Variants in SS18L1 observed in about 807,000 individuals in gnomAD.
SS18L1 encodes calcium-responsive transactivator.
A neutral mutation model predicts 70.3 loss-of-function variants in SS18L1; 32 were observed. The ratio of observed to expected loss-of-function variants is 0.46; its 90% CI spans 0.34 to 0.61. The LOEUF is 0.61. Ranked by LOEUF, SS18L1 falls within the 20% of genes least tolerant of loss-of-function variation. The probability of loss-of-function intolerance (pLI) is 0.01; values close to 1 mark genes in which losing one functional copy is unlikely to be tolerated. For synonymous variants in SS18L1, 237 were observed against 229.7 expected (o/e 1.03, Z -0.29); for missense variants, 430 against 542.1 (o/e 0.79, Z 2.05).
intron 8 of SS18L1, among the ~76,000 whole-genome samples, chr20:62,168,230 G>A (rs1221138496): frequency 2.0e-5 from 3 of 152,086 alleles, no homozygotes; most frequent in African/African-American, 7.2e-5. Flanking sequence ...TAAGACAGAT[G>A]GTGTGGTTTC....
chr20:62,148,447 C>T (rs1355131735), intron 1 of SS18L1, among the ~76,000 whole-genome samples: 2 of 145,386 alleles, frequency 1.4e-5, no homozygotes, highest in Non-Finnish European at 3.1e-5. Context: ...GGCTTGGCCT[C>T]CTTGCTGTCT....
At position 62,146,605 on chromosome 20, in the gene SS18L1, A is replaced by ATTTTTTTTTTTTTTTTTTTTTTTT. The variant is rs10673768; in HGVS notation, c.69+2737_69+2738insTTTTTTTTTTTTTTTTTTTTTTTT. 3.1e-4 allele frequency among the ~76,000 whole-genome samples: 25 copies of ATTTTTTTTTTTTTTTTTTTTTTTT among 79,722 alleles called. 3 individuals carry two copies. Among genetic ancestry groups the ATTTTTTTTTTTTTTTTTTTTTTTT allele is most frequent in the Non-Finnish European group, 3.8e-4 (17 of 45,234 alleles). The allele number at this position is 79,722 out of a possible 152,430, so 52.3% of individuals were successfully genotyped here. A position where few individuals can be genotyped will look rare whatever the true frequency, so the allele number is the denominator to read the frequency against. On this transcript the variant is annotated intron_variant, in intron 1 of 10. Transcript: ENST00000331758. Reference sequence around the variant, plus strand: ...CATCCAGCGTGTCTCTGCTTTGATCATTTTTTTTTTTTTTTTTTTTTGAGA... The same window carrying ATTTTTTTTTTTTTTTTTTTTTTTT: ...CATCCAGCGTGTCTCTGCTTTGATCATTTTTTTTTTTTTTTTTTTTTTTTTTTTTTTTTTTTTTTTTTTTTGAGA...
rs2057323258 is a variant in SS18L1, at chr20:62,161,147, C to T, written c.232-289C>T. 6.6e-6 allele frequency among the ~76,000 whole-genome samples: 1 copy of T among 151,518 alleles called. No individual in the cohort carries two copies. The highest frequency in any genetic ancestry group is 1.5e-5 in the Non-Finnish European group (1 of 67,948). On this transcript the variant is annotated intron_variant, in intron 3 of 10. Transcript: ENST00000331758. This position sits in a 1 kb window ranked among gnomAD's most constrained non-coding sequence, Gnocchi z 4.4. ...CCTGGTGGGCCGGGAAAGGGGTTCC[C>T]TGCTGTCCCAGGAGGAGGTCCAGCT...
chr20:62,158,913 G>T lies in SS18L1; in HGVS notation c.146+165G>T. 6.3e-7 allele frequency: 1 copy of T among 1,594,312 alleles called. No homozygotes were observed. Among genetic ancestry groups the T allele is most frequent in the Admixed American group, 1.7e-5 (1 of 59,406 alleles). On this transcript the variant is annotated intron_variant, in intron 2 of 10. Coordinates refer to ENST00000331758, the MANE Select transcript of SS18L1 (RefSeq NM_198935.3). This position sits in a 1 kb window ranked among gnomAD's most constrained non-coding sequence, Gnocchi z 4.5. ...CCAGGAGTCCCCTGCACAGAGGCCA[G>T]ATATGTCCCAGGAGTCCCCCAGCAC...
At chr20:62,150,025 C>T (rs1040756394) in intron 1 of SS18L1, among the ~76,000 whole-genome samples, 6 of 152,250 alleles carry the variant, frequency 3.9e-5, no homozygotes, top group Admixed American at 2.0e-4. Context: ...CATGCAGAGG[C>T]GGCTGCTCTT....
intron 1 of SS18L1, among the ~76,000 whole-genome samples, chr20:62,144,572 G>T (rs1008584584): frequency 2.6e-5 from 4 of 152,260 alleles, no homozygotes; most frequent in Admixed American, 2.6e-4. Context: ...GGGTTTCAGC[G>T]TGACACCCTC....
chr20:62,151,952 G>T (rs1236585867), intron 1 of SS18L1, among the ~76,000 whole-genome samples: 1 of 146,210 alleles, frequency 6.8e-6, no homozygotes, highest in Non-Finnish European at 1.5e-5. Context: ...CCCAGAGCTG[G>T]CCTCCCCCGT....
chr20:62,162,997 C>T (rs1292200639), intron 5 of SS18L1, 66 bp downstream of exon 5: 32 of 1,563,916 alleles, frequency 2.0e-5, no homozygotes, highest in Middle Eastern at 1.7e-4. Flanking sequence ...GACACATGCA[C>T]GTTGGACATG....
intron 10 of SS18L1, among the ~76,000 whole-genome samples, chr20:62,177,937 G>T (rs2057647929): frequency 6.6e-6 from 1 of 151,620 alleles, no homozygotes; most frequent in South Asian, 2.1e-4. Flanking sequence ...GGCCAGGGTG[G>T]TCTCGAGCTC....
rs1167513408 is a variant in SS18L1, at chr20:62,180,911, T to C, written c.*1703T>C. On this transcript the variant is annotated 3_prime_UTR_variant, in exon 11 of 11. Coordinates refer to ENST00000331758, the MANE Select transcript of SS18L1 (RefSeq NM_198935.3). ...ATTCCGTCTCAAAAAAATAAATAAATAAATAAATAAATAAGTTAAAATTAA... is the reference window on the plus strand; with the variant it reads ...ATTCCGTCTCAAAAAAATAAATAAACAAATAAATAAATAAGTTAAAATTAA... 5.8e-6 allele frequency: 1 copy of C among 172,518 alleles called. No individual in the cohort carries two copies. The highest frequency in any genetic ancestry group is 1.3e-5 in the Non-Finnish European group (1 of 79,806). The allele number at this position is 172,518 out of a possible 1,614,324, so 10.7% of individuals were successfully genotyped here. A position where few individuals can be genotyped will look rare whatever the true frequency, so the allele number is the denominator to read the frequency against.
In SS18L1 at chr20:62,174,329, C is replaced by T. The variant is rs1014689650; in HGVS notation, c.1037-188C>T. On this transcript the variant is annotated intron_variant, in intron 9 of 10. Transcript: ENST00000331758. This position sits in a 1 kb window ranked among gnomAD's most constrained non-coding sequence, Gnocchi z 4.1. ...TGGTGAGTCGGTTACGTGGTGCTCT[C>T]GCTGTACAGAGTTAACGTGGAGCCA... is the stretch of plus-strand genomic sequence containing the variant. 3.5e-5 allele frequency among the ~76,000 whole-genome samples: 5 copies of T among 143,690 alleles called. No individual in the cohort carries two copies. Among genetic ancestry groups the T allele is most frequent in the African/African-American group, 1.2e-4 (4 of 33,754 alleles). 94.3% of individuals were successfully genotyped at this position (143,690 alleles called of 152,430 possible).
chr20:62,158,644 G>T lies in SS18L1; in HGVS notation c.70-28G>T. ...GAGGGTCAGCGACAGCCCCGCGTCG[G>T]CAGCGCCCGCTCACGCTCTCTCCGC... On this transcript the variant is annotated intron_variant, in intron 1 of 10. Transcript: ENST00000331758. The surrounding 1 kb of genome is among the most constrained non-coding windows in gnomAD (Gnocchi z 4.5). The T allele has an allele frequency of 6.2e-7, 1 of 1,609,854 alleles. No individual in the cohort carries two copies. Among genetic ancestry groups the T allele is most frequent in the Non-Finnish European group, 8.5e-7 (1 of 1,179,386 alleles).
intron 8 of SS18L1, among the ~76,000 whole-genome samples, chr20:62,170,851 G>T (rs2057519102): frequency 6.6e-6 from 1 of 152,152 alleles, no homozygotes; most frequent in Non-Finnish European, 1.5e-5. Flanking sequence ...CCTGCTGGGT[G>T]CCAGGGCAAA....
chr20:62,162,325 A>T (rs2057344500), intron 4 of SS18L1, among the ~76,000 whole-genome samples: 1 of 151,692 alleles, frequency 6.6e-6, no homozygotes, highest in Admixed American at 6.6e-5. Flanking sequence ...TTTGAGACAG[A>T]GTCTCGCTCT....
Position 62,174,413 on chromosome 20 carries a change from T to A in SS18L1, c.1037-104T>A, listed in dbSNP as rs2057584248. 3 of 1,494,856 alleles carry A rather than the reference T, an allele frequency of 2.0e-6. No individual in the cohort carries two copies. Among genetic ancestry groups the A allele is most frequent in the Non-Finnish European group, 2.7e-6 (3 of 1,125,270 alleles). 92.6% of individuals were successfully genotyped at this position (1,494,856 alleles called of 1,614,324 possible). A position where few individuals can be genotyped will look rare whatever the true frequency, so the allele number is the denominator to read the frequency against. ...AAGGCTGATGCATTGAGACGGGAAT[T>A]TTTCAAGGAGAAGAGGAAGTTTTAA... is the stretch of plus-strand genomic sequence containing the variant. On this transcript the variant is annotated intron_variant, in intron 9 of 10. Transcript: ENST00000331758. The surrounding 1 kb of genome is among the most constrained non-coding windows in gnomAD (Gnocchi z 4.1).
chr20:62,160,254 G>T (rs1190857404), intron 3 of SS18L1, among the ~76,000 whole-genome samples: 1 of 123,214 alleles, frequency 8.1e-6, no homozygotes, highest in Non-Finnish European at 1.6e-5. Flanking sequence ...CAGCTCTCGG[G>T]TCGGGGGTGG....
intron 7 of SS18L1, among the ~76,000 whole-genome samples, chr20:62,164,598 G>C (rs146511791): frequency 5.0e-4 from 76 of 152,364 alleles, no homozygotes; most frequent in African/African-American, 1.8e-3. Flanking sequence ...GCGCCTCCCA[G>C]CTTCACAGAG....
At chr20:62,178,087 A>AT (rs1568770365) in intron 10 of SS18L1, among the ~76,000 whole-genome samples, 2 of 140,638 alleles carry the variant, frequency 1.4e-5, no homozygotes, top group Non-Finnish European at 3.0e-5. Context: ...TGGCAGGAAC[A>AT]TGGCTCACCG....
intron 1 of SS18L1, among the ~76,000 whole-genome samples, chr20:62,146,401 C>G (rs1219856028): frequency 6.6e-6 from 1 of 152,126 alleles, no homozygotes; most frequent in South Asian, 2.1e-4. Flanking sequence ...TAAGCAGATG[C>G]GTTCGTGTCC....
Sources: gnomAD v4.1 joint callset for allele counts (sites outside exome capture counted in the v4.1 genomes callset) on GRCh38, gnomAD v4.1.1 for gene constraint, Gnocchi (gnomAD v3.1) non-coding constraint, MANE v1.5 for transcripts, NCBI Gene and HGNC (gene_info 2026-07-23, HGNC 2026-07-21) for gene names.